The following ELMO1 variants were observed in gnomAD, a reference collection of about 807,000 sequenced individuals.
ELMO1 encodes the protein engulfment and cell motility protein 1.
Under a neutral mutation model 98.9 loss-of-function variants are expected in ELMO1, and 26 were observed. That is an observed-to-expected ratio of 0.26 (90% confidence interval 0.19 to 0.36). The LOEUF (loss-of-function observed/expected upper bound fraction) is 0.36, where lower values mean the gene tolerates loss of function less well. ELMO1 is among the 10% of genes least tolerant of loss of function. The pLI, the probability that ELMO1 is intolerant of heterozygous loss-of-function variation, is 1.00. For missense variants in ELMO1, 627 were observed against 935.2 expected, an observed-to-expected ratio of 0.67 and a Z score of 4.30; for synonymous variants, 346 against 346.0, an observed-to-expected ratio of 1.00 and a Z score of 0.00.
At chr7:36,993,303 T>C (rs1791991603) in intron 16 of ELMO1, among the ~76,000 whole-genome samples, 1 of 152,190 alleles carries the variant, frequency 6.6e-6, no homozygotes, top group South Asian at 2.1e-4. Context: ...TAACTTTGGA[T>C]CTTGGTAGTA....
intron 13 of ELMO1, among the ~76,000 whole-genome samples, chr7:37,160,484 C>A (rs145296268): frequency 6.6e-6 from 1 of 152,310 alleles, no homozygotes; most frequent in East Asian, 1.9e-4. Context: ...CTTTTCCTTC[C>A]TGTTTCCCCA....
intron 1 of ELMO1, chr7:37,376,086 C>T: frequency 2.9e-6 from 1 of 344,770 alleles, no homozygotes; most frequent in Non-Finnish European, 5.6e-6. Flanking sequence ...AAAAAATGAA[C>T]AAACAAACAA....
At chr7:37,090,259 A>G (rs1022701006) in intron 15 of ELMO1, among the ~76,000 whole-genome samples, 32 of 152,226 alleles carry the variant, frequency 2.1e-4, no homozygotes, top group African/African-American at 7.5e-4. Flanking sequence ...TACTACTTGT[A>G]GCTGAAATTG....
chr7:37,097,082 G>A (rs1381555638), intron 14 of ELMO1, among the ~76,000 whole-genome samples: 3 of 152,216 alleles, frequency 2.0e-5, no homozygotes, highest in African/African-American at 7.2e-5. Flanking sequence ...CTTGGGAATA[G>A]TAACTCCTTC....
At chr7:37,005,640 C>T (rs1366141553) in intron 16 of ELMO1, among the ~76,000 whole-genome samples, 27 of 139,272 alleles carry the variant, frequency 1.9e-4, no homozygotes, top group Admixed American at 8.2e-4. Flanking sequence ...TGCAGTGAGC[C>T]GAGACTGTGC....
chr7:37,377,514 C>T (rs1226705104), intron 1 of ELMO1, among the ~76,000 whole-genome samples: 1 of 151,994 alleles, frequency 6.6e-6, no homozygotes, highest in Non-Finnish European at 1.5e-5. Context: ...GACGGTCACC[C>T]CTCTCAACGC....
intron 13 of ELMO1, among the ~76,000 whole-genome samples, chr7:37,203,790 G>C (rs1792435457): frequency 6.6e-6 from 1 of 152,130 alleles, no homozygotes; most frequent in Non-Finnish European, 1.5e-5. Context: ...ATGCCTTTGA[G>C]AGTTCTGCTC....
At position 37,244,457 on chromosome 7, in the gene ELMO1, A is replaced by G. The variant is rs1023708111; in HGVS notation, c.414-66T>C. 3.2e-6 allele frequency: 5 copies of G among 1,539,626 alleles called. No individual in the cohort carries two copies. The East Asian group carries it at 9.0e-5, about 28-fold the overall frequency. On this transcript the variant is annotated intron_variant, in intron 6 of 21. Coordinates refer to ENST00000310758, the MANE Select transcript of ELMO1 (RefSeq NM_014800.11). Reference sequence around the variant, plus strand: ...AAGCAACAATTTTTACACAAAGAACATATCTTGAAGAAAACTCAGGATTAG... The same window carrying G: ...AAGCAACAATTTTTACACAAAGAACGTATCTTGAAGAAAACTCAGGATTAG...
intron 13 of ELMO1, among the ~76,000 whole-genome samples, chr7:37,190,661 G>A (rs13222720): frequency 0.52 from 79,351 of 151,566 alleles, 22,243 homozygotes; most frequent in East Asian, 0.65. Flanking sequence ...AATCACGCCC[G>A]GCTAACTTTT....
intron 14 of ELMO1, among the ~76,000 whole-genome samples, chr7:37,129,328 T>C (rs909055336): frequency 7.2e-5 from 11 of 152,216 alleles, no homozygotes; most frequent in African/African-American, 2.7e-4. Context: ...AGGAGGCCAC[T>C]AAGATAATAT....
intron 1 of ELMO1, among the ~76,000 whole-genome samples, chr7:37,428,451 C>G (rs184009465): frequency 2.0e-5 from 3 of 152,184 alleles, no homozygotes; most frequent in Non-Finnish European, 4.4e-5. Context: ...GCAGAACCAG[C>G]TAACCAATGT....
intron 6 of ELMO1, among the ~76,000 whole-genome samples, chr7:37,254,488 C>A (rs1375136041): frequency 6.6e-6 from 1 of 152,164 alleles, no homozygotes; most frequent in East Asian, 1.9e-4. Flanking sequence ...TGTACTTACA[C>A]AAACATACAT....
intron 16 of ELMO1, among the ~76,000 whole-genome samples, chr7:36,983,886 G>A (rs1007330516): frequency 2.0e-5 from 3 of 152,110 alleles, no homozygotes; most frequent in African/African-American, 7.2e-5. Context: ...TAGGTGGGGG[G>A]AGCAGAGAGG....
At position 37,213,218 on chromosome 7, in the gene ELMO1, T is replaced by C. The variant is rs879375849; in HGVS notation, c.954+117A>G. Reference sequence around the variant, plus strand: ...ATGCCCCTAAGTTCTGAGATGATAATAAAATGACATCATATCAAACTCTGA... The same window carrying C: ...ATGCCCCTAAGTTCTGAGATGATAACAAAATGACATCATATCAAACTCTGA... On this transcript the variant is annotated intron_variant, in intron 12 of 21. Transcript: ENST00000310758. The C allele has an allele frequency of 2.2e-5, 30 of 1,342,478 alleles. No homozygotes were observed. In the Admixed American group the frequency reaches 6.7e-4, roughly 30 times the overall value. 83.2% of individuals were successfully genotyped at this position (1,342,478 alleles called of 1,614,324 possible).
chr7:37,007,040 C>CAT (rs61259258), intron 16 of ELMO1, among the ~76,000 whole-genome samples: 33,089 of 152,060 alleles, frequency 0.22, 3,914 homozygotes, highest in African/African-American at 0.31. Context: ...CACAGACACA[C>CAT]ATATGAAACT....
chr7:36,935,112 G>A (rs975650900), intron 16 of ELMO1, among the ~76,000 whole-genome samples: 1 of 152,152 alleles, frequency 6.6e-6, no homozygotes, highest in African/African-American at 2.4e-5. Context: ...CTGTGGAAGG[G>A]ACCCAGTGGG....
chr7:36,987,198 C>T (rs926280374), intron 16 of ELMO1, among the ~76,000 whole-genome samples: 1 of 152,170 alleles, frequency 6.6e-6, no homozygotes, highest in African/African-American at 2.4e-5. Flanking sequence ...AGCCCATTTT[C>T]ATCCCCTCAG....
At chr7:36,973,784 T>G (rs934753849) in intron 16 of ELMO1, among the ~76,000 whole-genome samples, 22 of 152,130 alleles carry the variant, frequency 1.4e-4, no homozygotes, top group Admixed American at 3.3e-4. Flanking sequence ...GCGCGGCGCT[T>G]GCGAGCCAGC....
At chr7:37,284,228 G>C in intron 4 of ELMO1, among the ~76,000 whole-genome samples, 1 of 152,118 alleles carries the variant, frequency 6.6e-6, no homozygotes. Flanking sequence ...CTCAACAACT[G>C]AATGGAGGCA....
Sources: allele counts gnomAD v4.1 joint callset (sites outside exome capture counted in the v4.1 genomes callset), GRCh38; gene constraint gnomAD v4.1.1; transcripts MANE v1.5; gene names NCBI Gene and HGNC (gene_info 2026-07-23, HGNC 2026-07-21).